The following FUT9 variants were observed in gnomAD, a reference collection of about 807,000 sequenced individuals.
FUT9 encodes fucosyltransferase 9, also known as 4-galactosyl-N-acetylglucosaminide 3-alpha-L-fucosyltransferase 9.
A neutral mutation model predicts 29.7 loss-of-function variants in FUT9; 15 were observed. The ratio of observed to expected loss-of-function variants is 0.51; its 90% confidence interval spans 0.34 to 0.78. FUT9 has a LOEUF of 0.78. Ranked by LOEUF, FUT9 falls within the 30% of genes least tolerant of loss-of-function variation. FUT9 has a pLI of 0.01. For missense variants in FUT9, 319 were observed against 425.4 expected (o/e 0.75, Z 2.20); for synonymous variants, 169 against 153.7 (o/e 1.10, Z -0.74).
chr6:96,119,958 A>G (rs983925591), intron 2 of FUT9, among the ~76,000 whole-genome samples: 2 of 152,200 alleles, frequency 1.3e-5, no homozygotes, highest in African/African-American at 2.4e-5. Context: ...AACAATTTCT[A>G]TACCTTCAAA....
chr6:96,183,608 G>T (rs1011237791), intron 2 of FUT9, among the ~76,000 whole-genome samples: 2 of 151,856 alleles, frequency 1.3e-5, no homozygotes, highest in African/African-American at 4.8e-5. Context: ...TTACATTGTG[G>T]TATGTCCCCT....
intron 1 of FUT9, among the ~76,000 whole-genome samples, chr6:96,070,750 T>G (rs1771045963): frequency 2.0e-5 from 3 of 152,170 alleles, no homozygotes; most frequent in Admixed American, 2.0e-4. Context: ...TATTATAAAA[T>G]TTTGAATAAA....
chr6:96,138,419 C>G (rs1772400274), intron 2 of FUT9, among the ~76,000 whole-genome samples: 1 of 150,066 alleles, frequency 6.7e-6, no homozygotes, highest in African/African-American at 2.4e-5. Context: ...TTATGGCTTT[C>G]CAAAAAAGGA....
At chr6:96,146,080 G>A (rs1772561988) in intron 2 of FUT9, among the ~76,000 whole-genome samples, 1 of 152,028 alleles carries the variant, frequency 6.6e-6, no homozygotes, top group African/African-American at 2.4e-5. Context: ...GGGCTCCAGG[G>A]ACCCCACCTA....
At chr6:96,024,148 C>T (rs1315569088) in intron 1 of FUT9, among the ~76,000 whole-genome samples, 3 of 151,878 alleles carry the variant, frequency 2.0e-5, no homozygotes, top group Non-Finnish European at 4.4e-5. Context: ...ATCAGACAAT[C>T]TTTTCTTTCT....
chr6:96,035,677 T>C (rs944588239), intron 1 of FUT9, among the ~76,000 whole-genome samples: 1 of 134,824 alleles, frequency 7.4e-6, no homozygotes, highest in East Asian at 2.1e-4. Flanking sequence ...TATTAAAATA[T>C]AATATTATAT....
chr6:96,193,670 A>C (rs1247968357), intron 2 of FUT9, among the ~76,000 whole-genome samples: 1 of 152,106 alleles, frequency 6.6e-6, no homozygotes, highest in East Asian at 1.9e-4. Flanking sequence ...CTAGAACTGG[A>C]AATACCATTT....
intron 2 of FUT9, among the ~76,000 whole-genome samples, chr6:96,196,629 T>C (rs931259196): frequency 6.6e-6 from 1 of 151,996 alleles, no homozygotes; most frequent in East Asian, 1.9e-4. Context: ...GGAGAATCGT[T>C]TGAACCCGGA....
chr6:96,152,604 C>T (rs1191470682), intron 2 of FUT9, among the ~76,000 whole-genome samples: 1 of 152,138 alleles, frequency 6.6e-6, no homozygotes, highest in African/African-American at 2.4e-5. Flanking sequence ...CCTTTTAACA[C>T]AATCTGCTCT....
chr6:96,108,807 G>A (rs188100496), intron 1 of FUT9, among the ~76,000 whole-genome samples: 10 of 151,968 alleles, frequency 6.6e-5, no homozygotes, highest in African/African-American at 1.2e-4. Context: ...CATTGTACCC[G>A]AAGCCAGACA....
chr6:96,108,033 T>C (rs1243327957), intron 1 of FUT9, among the ~76,000 whole-genome samples: 1 of 151,494 alleles, frequency 6.6e-6, no homozygotes, highest in African/African-American at 2.4e-5. Context: ...CCTGGGGAGA[T>C]GACCTTTAAA....
chr6:96,110,815 C>CTATTTTTTATTTATT (rs11283884), intron 1 of FUT9, among the ~76,000 whole-genome samples: 38,284 of 144,934 alleles, frequency 0.26, 6,230 homozygotes, highest in Non-Finnish European at 0.35. Flanking sequence ...ACAAATGTGC[C>CTATTTTTTATTTATT]TATTTATTTA....
chr6:96,174,956 T>C (rs1301376695), intron 2 of FUT9, among the ~76,000 whole-genome samples: 2 of 152,156 alleles, frequency 1.3e-5, no homozygotes, highest in Non-Finnish European at 2.9e-5. Context: ...CATTCATCTA[T>C]CCCAAAGGGG....
At position 96,209,276 on chromosome 6, in the gene FUT9, C is replaced by T. The variant is rs1324750604; in HGVS notation, c.*5041C>T. On this transcript the variant is annotated 3_prime_UTR_variant, in exon 3 of 3. Coordinates refer to ENST00000302103, the MANE Select transcript of FUT9 (RefSeq NM_006581.4). The stretch of plus-strand genomic sequence containing the variant: ...TTTTAGGATATTCCATACAGATTTC[C>T]TTCTCATTTCTCTGTGTAGATATTT... 1 of 166,476 alleles carries T rather than the reference C, an allele frequency of 6.0e-6. No homozygotes were observed. Among genetic ancestry groups the T allele is most frequent in the Admixed American group, 6.6e-5 (1 of 15,212 alleles). The allele number at this position is 166,476 out of a possible 1,614,324, so 10.3% of individuals were successfully genotyped here.
At chr6:96,149,309 T>G (rs1192481324) in intron 2 of FUT9, among the ~76,000 whole-genome samples, 1 of 149,914 alleles carries the variant, frequency 6.7e-6, no homozygotes, top group East Asian at 2.0e-4. Context: ...GATTACTAAT[T>G]TAGATGACAT....
chr6:96,023,935 C>T (rs562114285), intron 1 of FUT9, among the ~76,000 whole-genome samples: 1 of 152,006 alleles, frequency 6.6e-6, no homozygotes, highest in East Asian at 1.9e-4. Context: ...TTTAGCACTT[C>T]ACTACATTTG....
intron 2 of FUT9, among the ~76,000 whole-genome samples, chr6:96,198,644 G>C (rs931790112): frequency 3.9e-5 from 6 of 152,126 alleles, no homozygotes; most frequent in Admixed American, 3.9e-4. Flanking sequence ...GTAATGCGAT[G>C]GCTGGGTCAA....
At chr6:96,142,354 T>C (rs578019648) in intron 2 of FUT9, among the ~76,000 whole-genome samples, 3 of 152,320 alleles carry the variant, frequency 2.0e-5, no homozygotes, top group African/African-American at 4.8e-5. Context: ...AATCCAGTTA[T>C]GAATACTGGT....
chr6:96,088,528 TTTTGTGTGTG>T (rs1229506998), intron 1 of FUT9, among the ~76,000 whole-genome samples: 2 of 91,656 alleles, frequency 2.2e-5, no homozygotes, highest in Non-Finnish European at 2.2e-5. Context: ...TGTTTGTTTG[TTTTGTGTGTG>T]TGTGTGTGTG....
Sources: gnomAD v4.1 joint callset for allele counts (sites outside exome capture counted in the v4.1 genomes callset) on GRCh38, gnomAD v4.1.1 for gene constraint, MANE v1.5 for transcripts, NCBI Gene and HGNC (gene_info 2026-07-23, HGNC 2026-07-21) for gene names.